TDRD15: variants seen among roughly 807,000 people sequenced by gnomAD.
The protein encoded by TDRD15 is tudor domain containing 15, also known as tudor domain-containing protein 15.
For missense variants in TDRD15, 1,416 were observed against 904.7 expected (o/e 1.57, Z -7.25); for synonymous variants, 503 against 314.5 (o/e 1.60, Z -6.34).
chr2:21,141,010 G>A lies in TDRD15; in HGVS notation c.3543G>A (p.Val1181=). The part of the protein sequence containing the change: ...GKTGNNYRHN[V]INKPSPVTYS... ...CAGGAAACAACTATCGCCATAATGT[G>A]ATAAATAAACCTAGTCCAGTAACAT... Residue 1181 remains valine (V), a synonymous_variant, in exon 4 of 4, where the codon GTG becomes GTA. Transcript: ENST00000405799. The A allele has an allele frequency of 1.4e-6, 1 of 713,024 alleles. No homozygotes were observed. The highest frequency in any genetic ancestry group is 2.6e-6 in the Non-Finnish European group (1 of 383,178). The allele number at this position is 713,024 out of a possible 1,614,324, so 44.2% of individuals were successfully genotyped here.
At chr2:21,145,602 G>C (rs1666016990), downstream of TDRD15, among the ~76,000 whole-genome samples, 1 of 151,798 alleles carries the variant, frequency 6.6e-6, no homozygotes, top group African/African-American at 2.4e-5. Context: ...CATATGTAAG[G>C]AAAAAAATCA....
At position 21,139,027 on chromosome 2, in the gene TDRD15, T is replaced by C. The variant is rs780739925; in HGVS notation, c.1560T>C (p.Asp520=). ...EIMKNINKFY[D]LCENDEMILR... ...TGAAAAACATAAACAAATTTTATGATTTGTGTGAAAACGATGAAATGATTC... is the reference window on the plus strand; with the variant it reads ...TGAAAAACATAAACAAATTTTATGACTTGTGTGAAAACGATGAAATGATTC... Residue 520 remains aspartate (D), a synonymous_variant, in exon 4 of 4, where the codon GAT becomes GAC. Transcript: ENST00000405799. The C allele has an allele frequency of 1.1e-5, 8 of 713,990 alleles. No homozygotes were observed. The highest frequency in any genetic ancestry group is 4.5e-5 in the South Asian group (3 of 66,906). 44.2% of individuals were successfully genotyped at this position (713,990 alleles called of 1,614,324 possible).
In TDRD15 at chr2:21,142,052, G is replaced by T; in HGVS notation, c.4585G>T (p.Glu1529Ter). The T allele has an allele frequency of 1.4e-6, 1 of 699,456 alleles. No individual in the cohort carries two copies. The highest frequency in any genetic ancestry group is 1.6e-5 in the South Asian group (1 of 62,812). The allele number at this position is 699,456 out of a possible 1,614,324, so 43.3% of individuals were successfully genotyped here. The change falls in exon 4 of 4, where the codon GAA (glutamate) becomes TAA (stop). Residue 1529 changes from glutamate (E) to a stop codon, truncating the protein, a stop_gained. Transcript: ENST00000405799. LOFTEE classifies it low-confidence loss of function (END_TRUNC). The stretch of plus-strand genomic sequence containing the variant: ...GGAAGAATTCAAACTTGGACAACTT[G>T]AAAAAGCTGAAATGCTTAATGTTTC... Reference protein sequence around the residue: ...PLEEFKLGQLEKAEMLNVSKS... With the variant: ...PLEEFKLGQL
chr2:21,137,441 G>A (rs1290807912), intron 3 of TDRD15, 24 bp from the exon 4 acceptor site: 3 of 603,486 alleles, frequency 5.0e-6, no homozygotes, highest in Non-Finnish European at 9.0e-6. Context: ...GATAGCTAAT[G>A]AGTAATTATT....
intron 1 of TDRD15, among the ~76,000 whole-genome samples, chr2:21,126,436 G>A (rs929963932): frequency 2.0e-5 from 3 of 151,252 alleles, no homozygotes; most frequent in African/African-American, 7.3e-5. Flanking sequence ...GTGGGACCTC[G>A]TCTCGCCGCA....
rs1446858638 is a variant in TDRD15, at chr2:21,139,949, G to C, written c.2482G>C (p.Val828Leu). 5.6e-6 allele frequency: 4 copies of C among 715,768 alleles called. No homozygotes were observed. Among genetic ancestry groups the C allele is most frequent in the Non-Finnish European group, 1.0e-5 (4 of 384,008 alleles). 44.3% of individuals were successfully genotyped at this position (715,768 alleles called of 1,614,324 possible). ...AAVLTQVSKE[V>L]DIVFVDYGYQ... is the part of the protein sequence containing the mutation. ...TGTTTTGACTCAAGTATCAAAAGAA[G>C]TTGACATAGTGTTTGTTGATTATGG... The change falls in exon 4 of 4, where the codon GTT becomes CTT. Residue 828 changes from valine to leucine, a missense_variant. By Grantham distance (32) the Val-to-Leu change is conservative. Transcript: ENST00000405799.
intron 3 of TDRD15, among the ~76,000 whole-genome samples, chr2:21,135,080 ATTAG>A (rs1295045138): frequency 6.8e-6 from 1 of 146,142 alleles, no homozygotes; most frequent in Non-Finnish European, 1.5e-5. Context: ...TATATAAACA[ATTAG>A]TTTAGTTCTA....
chr2:21,146,571 G>A (rs1666034210), downstream of TDRD15, among the ~76,000 whole-genome samples: 1 of 151,958 alleles, frequency 6.6e-6, no homozygotes, highest in Non-Finnish European at 1.5e-5. Flanking sequence ...ATGAGAACTA[G>A]AGAATGTAAT....
intron 2 of TDRD15, 56 bp downstream of exon 2, chr2:21,127,767 T>A (rs1244084681): frequency 6.6e-6 from 1 of 152,202 alleles, no homozygotes; most frequent in East Asian, 1.9e-4. Flanking sequence ...TATAACCTAT[T>A]TAGACCGTTC....
At chr2:21,145,591 T>G (rs1365327559), downstream of TDRD15, among the ~76,000 whole-genome samples, 1 of 151,938 alleles carries the variant, frequency 6.6e-6, no homozygotes, top group African/African-American at 2.4e-5. Flanking sequence ...AAATTTGAAG[T>G]CATATGTAAG....
chr2:21,134,098 A>G (rs998964969), intron 2 of TDRD15, among the ~76,000 whole-genome samples: 22 of 151,922 alleles, frequency 1.4e-4, no homozygotes, highest in African/African-American at 4.6e-4. Flanking sequence ...TTTATAGAAG[A>G]TAAACTCCAA....
At chr2:21,136,531 T>G (rs1212715204) in intron 3 of TDRD15, among the ~76,000 whole-genome samples, 1 of 151,994 alleles carries the variant, frequency 6.6e-6, no homozygotes, top group African/African-American at 2.4e-5. Context: ...AGAGGTTCCC[T>G]CATTTTGAGG....
At chr2:21,137,013 C>T (rs1395447855) in intron 3 of TDRD15, among the ~76,000 whole-genome samples, 1 of 152,008 alleles carries the variant, frequency 6.6e-6, no homozygotes, top group Non-Finnish European at 1.5e-5. Context: ...ACCATCTGCC[C>T]TTCTAGCACT....
At chr2:21,145,642 T>C (rs141281845), downstream of TDRD15, among the ~76,000 whole-genome samples, 578 of 152,150 alleles carry the variant, frequency 3.8e-3, 4 homozygotes, top group African/African-American at 0.013. Context: ...ATAAGAAATA[T>C]GGTTTCACGG....
chr2:21,131,700 A>T (rs916570532), intron 2 of TDRD15, among the ~76,000 whole-genome samples: 2 of 152,046 alleles, frequency 1.3e-5, no homozygotes, highest in Non-Finnish European at 2.9e-5. Flanking sequence ...CTTTTCACTA[A>T]TTTTTTGGTT....
chr2:21,144,660 A>G (rs1415227655), downstream of TDRD15, among the ~76,000 whole-genome samples: 1 of 151,922 alleles, frequency 6.6e-6, no homozygotes. Flanking sequence ...TTTAATGCTC[A>G]TTACAACTCT....
At position 21,141,734 on chromosome 2, in the gene TDRD15, G is replaced by T; in HGVS notation, c.4267G>T (p.Asp1423Tyr). The change falls in exon 4 of 4, where the codon GAT becomes TAT. Residue 1423 changes from aspartate (D) to tyrosine (Y), a missense_variant. Physicochemically the swap from Asp to Tyr is radical, Grantham distance 160. Coordinates refer to ENST00000405799, the MANE Select transcript of TDRD15 (RefSeq NM_001306137.2). ...ATGGAATGAGCCTGATGAAATATGG[G>T]ATGACAAAACTGTGGATTATTTTAC... Reference protein sequence around the residue: ...VKWNEPDEIWDDKTVDYFTSK... With the variant: ...VKWNEPDEIWYDKTVDYFTSK... The T allele has an allele frequency of 1.4e-6, 1 of 715,330 alleles. No homozygotes were observed. The highest frequency in any genetic ancestry group is 2.6e-6 in the Non-Finnish European group (1 of 383,620). 44.3% of individuals were successfully genotyped at this position (715,330 alleles called of 1,614,324 possible). A position where few individuals can be genotyped will look rare whatever the true frequency, so the allele number is the denominator to read the frequency against.
intron 2 of TDRD15, among the ~76,000 whole-genome samples, chr2:21,133,637 T>TA (rs891701550): frequency 2.0e-5 from 3 of 152,140 alleles, no homozygotes; most frequent in African/African-American, 7.2e-5. Flanking sequence ...ACTAGTGTAC[T>TA]AAAACCTTTA....
intron 1 of TDRD15, among the ~76,000 whole-genome samples, chr2:21,125,702 A>G (rs531593): frequency 0.046 from 7,009 of 152,224 alleles, 250 homozygotes; most frequent in Non-Finnish European, 0.067. Context: ...AGCAGAGGGT[A>G]AAGTGAATTA....
Sources: gnomAD v4.1 joint callset for allele counts (sites outside exome capture counted in the v4.1 genomes callset) on GRCh38, gnomAD v4.1.1 for gene constraint, MANE v1.5 for transcripts, NCBI Gene and HGNC (gene_info 2026-07-23, HGNC 2026-07-21) for gene names.